Variants in TRAK1 observed in about 807,000 individuals in gnomAD.
TRAK1 encodes trafficking kinesin-binding protein 1.
TRAK1 carries 33 observed loss-of-function variants against 92.1 expected under a neutral mutation model. That is an observed-to-expected ratio of 0.36 (90% confidence interval 0.27 to 0.48). The LOEUF is 0.48. Among genes scored for constraint, TRAK1 ranks in the 20% least tolerant of loss-of-function variants. The probability of loss-of-function intolerance (pLI) is 0.99; values close to 1 mark genes in which losing one functional copy is unlikely to be tolerated. For missense variants in TRAK1, 1,123 were observed against 1,257.9 expected (o/e 0.89, Z 1.62); for synonymous variants, 521 against 517.3 (o/e 1.01, Z -0.10).
chr3:42,091,761 C>T (rs1409349106), intron 1 of TRAK1, among the ~76,000 whole-genome samples: 4 of 151,998 alleles, frequency 2.6e-5, no homozygotes, highest in Non-Finnish European at 2.9e-5. Context: ...GCCCTCACCA[C>T]CCCCCCATCT....
In TRAK1 at chr3:42,199,264, A is replaced by G. The variant is rs567984349; in HGVS notation, c.1190+11A>G. 6.2e-6 allele frequency: 10 copies of G among 1,613,888 alleles called. No homozygotes were observed. In the South Asian group the frequency reaches 9.9e-5, roughly 16 times the overall value. On this transcript the variant is annotated intron_variant, in intron 11 of 15. Transcript: ENST00000327628. Reference sequence around the variant, plus strand: ...GTCTCCAGACATCACGTACGGCCACAGTTTTTACAGTTTTGAGATTCCCAG... The same window carrying G: ...GTCTCCAGACATCACGTACGGCCACGGTTTTTACAGTTTTGAGATTCCCAG...
At chr3:42,055,521 G>A (rs1303500921) in intron 1 of TRAK1, among the ~76,000 whole-genome samples, 1 of 152,192 alleles carries the variant, frequency 6.6e-6, no homozygotes, top group Non-Finnish European at 1.5e-5. Flanking sequence ...GGAATGCAAT[G>A]GTGTGATCAT....
chr3:42,135,433 T>C (rs575820358), intron 2 of TRAK1, among the ~76,000 whole-genome samples: 35 of 152,234 alleles, frequency 2.3e-4, no homozygotes, highest in Non-Finnish European at 4.4e-4. Flanking sequence ...ACGGTGATGA[T>C]TGAATATGAA....
chr3:42,069,192 C>T (rs1332314001), intron 1 of TRAK1, among the ~76,000 whole-genome samples: 3 of 151,688 alleles, frequency 2.0e-5, no homozygotes, highest in East Asian at 1.9e-4. Context: ...ATTAGCTGGG[C>T]GTGGTGGTGC....
At chr3:42,115,011 C>G (rs1708987894) in intron 1 of TRAK1, among the ~76,000 whole-genome samples, 1 of 152,150 alleles carries the variant, frequency 6.6e-6, no homozygotes, top group African/African-American at 2.4e-5. Flanking sequence ...CTGTGCCCAG[C>G]CAACATATGC....
At chr3:42,145,214 G>A (rs1699176961) in intron 2 of TRAK1, among the ~76,000 whole-genome samples, 1 of 152,192 alleles carries the variant, frequency 6.6e-6, no homozygotes, top group Non-Finnish European at 1.5e-5. Flanking sequence ...GCCAACCGTG[G>A]TGGCCCACGC....
intron 1 of TRAK1, among the ~76,000 whole-genome samples, chr3:42,026,862 C>T (rs937005221): frequency 6.6e-6 from 1 of 151,906 alleles, no homozygotes; most frequent in Admixed American, 6.6e-5. Context: ...CATGTGTAGA[C>T]CCTCCTTCTC....
intron 1 of TRAK1, among the ~76,000 whole-genome samples, chr3:42,100,711 G>C (rs1261152016): frequency 6.6e-6 from 1 of 152,202 alleles, no homozygotes; most frequent in South Asian, 2.1e-4. Flanking sequence ...TTGTTGCCCA[G>C]GCTGGAGTGC....
chr3:42,018,266 TAAA>T (rs11289370), intron 1 of TRAK1, among the ~76,000 whole-genome samples: 13 of 146,060 alleles, frequency 8.9e-5, no homozygotes, highest in Admixed American at 6.9e-5. Flanking sequence ...AGACCCCATC[TAAA>T]AAAAAAAAAA....
intron 2 of TRAK1, chr3:42,145,828 A>T: frequency 4.1e-6 from 1 of 242,048 alleles, no homozygotes. Context: ...GGGTCATAAG[A>T]AAGAACACAC....
upstream of TRAK1, among the ~76,000 whole-genome samples, chr3:42,085,462 C>T (rs1704626781): frequency 6.6e-6 from 1 of 152,192 alleles, no homozygotes; most frequent in Non-Finnish European, 1.5e-5. Flanking sequence ...AGCCACTGTG[C>T]CCAGTCAAAA....
At chr3:42,198,718 C>T (rs940823236) in intron 10 of TRAK1, among the ~76,000 whole-genome samples, 1 of 152,096 alleles carries the variant, frequency 6.6e-6, no homozygotes, top group African/African-American at 2.4e-5. Context: ...GTGTGACAGA[C>T]CCTGTAGACT....
intron 2 of TRAK1, among the ~76,000 whole-genome samples, chr3:42,176,053 A>T (rs1019838028): frequency 6.6e-6 from 1 of 152,224 alleles, no homozygotes; most frequent in East Asian, 1.9e-4. Context: ...ATGTATCTTT[A>T]GCAGACAAAA....
rs529331614 is a variant in TRAK1, at chr3:42,201,625, A to AT, written c.1427+582dup. Among the ~76,000 whole-genome samples the AT allele has an allele frequency of 2.1e-3, 305 of 147,890 alleles. 3 individuals carry two copies. The highest frequency in any genetic ancestry group is 0.01 in the Middle Eastern group (3 of 290). ...ATGCTTGGGGGAAGGATTAATGAAT[A>AT]TTTTTTTTTTTGTTAATCTTCACGG... On this transcript the variant is annotated intron_variant, in intron 12 of 15. Coordinates refer to ENST00000327628, the MANE Select transcript of TRAK1 (RefSeq NM_001042646.3).
At chr3:42,143,586 G>A (rs1470258063) in intron 2 of TRAK1, among the ~76,000 whole-genome samples, 1 of 152,142 alleles carries the variant, frequency 6.6e-6, no homozygotes, top group Non-Finnish European at 1.5e-5. Flanking sequence ...TTTCTAAATG[G>A]GGCAGCCGAA....
chr3:42,143,308 C>CTTTTTTTTT (rs369435084), intron 2 of TRAK1, among the ~76,000 whole-genome samples: 1 of 139,258 alleles, frequency 7.2e-6, no homozygotes, highest in African/African-American at 2.7e-5. Context: ...TGTACCTCTT[C>CTTTTTTTTT]TTTTTTTTTT....
At chr3:42,165,799 G>A (rs1468004273) in intron 2 of TRAK1, among the ~76,000 whole-genome samples, 2 of 152,032 alleles carry the variant, frequency 1.3e-5, no homozygotes, top group Admixed American at 6.6e-5. Flanking sequence ...CCTTGTCTCC[G>A]CTTGGGATTT....
intron 2 of TRAK1, among the ~76,000 whole-genome samples, chr3:42,142,483 G>A (rs1218903596): frequency 6.6e-6 from 1 of 152,188 alleles, no homozygotes; most frequent in African/African-American, 2.4e-5. Flanking sequence ...TCACCTTACA[G>A]CCCTGGGGCT....
chr3:42,107,064 G>C (rs1707663221), intron 1 of TRAK1, among the ~76,000 whole-genome samples: 1 of 152,154 alleles, frequency 6.6e-6, no homozygotes, highest in Admixed American at 6.5e-5. Context: ...CCCCTAGTTA[G>C]AGCCACCTTT....
Sources: gnomAD v4.1 joint callset for allele counts (sites outside exome capture counted in the v4.1 genomes callset) on GRCh38, gnomAD v4.1.1 for gene constraint, MANE v1.5 for transcripts, NCBI Gene and HGNC (gene_info 2026-07-23, HGNC 2026-07-21) for gene names.